The following ABTB2 variants were observed in gnomAD, a reference collection of about 807,000 sequenced individuals.
The protein encoded by ABTB2 is ankyrin repeat and BTB/POZ domain-containing protein 2.
Under a neutral mutation model 104.1 loss-of-function variants are expected in ABTB2, and 56 were observed. The observed-to-expected ratio is 0.54, with a 90% CI of 0.43 to 0.67. ABTB2 has a LOEUF of 0.67. ABTB2 is among the 30% of genes least tolerant of loss of function. ABTB2 has a pLI of 0.00. For missense variants in ABTB2, 1,279 were observed against 1,407.7 expected (o/e 0.91, Z 1.46); for synonymous variants, 606 against 608.2 (o/e 1.00, Z 0.05).
At chr11:34,228,393 T>C (rs1333215196) in intron 1 of ABTB2, among the ~76,000 whole-genome samples, 3 of 148,466 alleles carry the variant, frequency 2.0e-5, no homozygotes, top group African/African-American at 7.5e-5. Context: ...TGAGATAAGG[T>C]CTCACTTTGT....
chr11:34,254,600 G>A (rs904234259), intron 1 of ABTB2, among the ~76,000 whole-genome samples: 2 of 151,742 alleles, frequency 1.3e-5, no homozygotes, highest in African/African-American at 4.8e-5. Context: ...TGGTGGTACT[G>A]CTGAATATGG....
intron 1 of ABTB2, among the ~76,000 whole-genome samples, chr11:34,241,665 G>A (rs533173224): frequency 1.3e-5 from 2 of 152,362 alleles, no homozygotes; most frequent in Admixed American, 1.3e-4. Flanking sequence ...GCCAAGGCAG[G>A]AGGATCGCTT....
At chr11:34,184,621 A>C (rs1309977478) in intron 3 of ABTB2, among the ~76,000 whole-genome samples, 1 of 152,192 alleles carries the variant, frequency 6.6e-6, no homozygotes, top group Non-Finnish European at 1.5e-5. Context: ...AAGGGCCAGG[A>C]CATCTGCCTC....
intron 1 of ABTB2, among the ~76,000 whole-genome samples, chr11:34,215,692 A>G (rs1853542026): frequency 1.3e-5 from 2 of 152,218 alleles, no homozygotes; most frequent in South Asian, 2.1e-4. Context: ...AGGCCTAATC[A>G]TACTTCCTAA....
At chr11:34,246,583 A>C (rs1160312750) in intron 1 of ABTB2, among the ~76,000 whole-genome samples, 1 of 135,272 alleles carries the variant, frequency 7.4e-6, no homozygotes, top group African/African-American at 2.8e-5. Flanking sequence ...CCTGGGCAAT[A>C]AGAGTGAAAC....
At chr11:34,338,489 G>A (rs1855220450) in intron 1 of ABTB2, among the ~76,000 whole-genome samples, 1 of 151,216 alleles carries the variant, frequency 6.6e-6, no homozygotes, top group Non-Finnish European at 1.5e-5. Context: ...TTGAGGTTAA[G>A]AGTTTGAGAC....
intron 9 of ABTB2, among the ~76,000 whole-genome samples, chr11:34,163,714 C>T (rs1323874356): frequency 6.6e-6 from 1 of 152,236 alleles, no homozygotes; most frequent in Non-Finnish European, 1.5e-5. Context: ...AAGGGCTCCT[C>T]CTCACGTGTG....
At chr11:34,203,704 A>G (rs1474937700) in intron 2 of ABTB2, among the ~76,000 whole-genome samples, 1 of 152,188 alleles carries the variant, frequency 6.6e-6, no homozygotes, top group Non-Finnish European at 1.5e-5. Context: ...AATGCAGGGA[A>G]GGAGGAAGCC....
intron 1 of ABTB2, among the ~76,000 whole-genome samples, chr11:34,297,796 G>GAACCAAAT (rs1854642295): frequency 4.9e-5 from 6 of 123,070 alleles, no homozygotes; most frequent in Admixed American, 8.4e-5. Context: ...AAAAATAAAG[G>GAACCAAAT]AAAGAAAAAG....
intron 3 of ABTB2, among the ~76,000 whole-genome samples, chr11:34,193,865 G>A (rs1271868422): frequency 1.3e-5 from 2 of 152,154 alleles, no homozygotes; most frequent in East Asian, 1.9e-4. Flanking sequence ...AAGGCTGCCC[G>A]CTCACCACTC....
chr11:34,268,582 T>C (rs1854276787), intron 1 of ABTB2, among the ~76,000 whole-genome samples: 1 of 152,206 alleles, frequency 6.6e-6, no homozygotes, highest in African/African-American at 2.4e-5. Context: ...GGTATTGGAA[T>C]GCTGCACCGG....
chr11:34,321,890 A>G (rs763637052), intron 1 of ABTB2, among the ~76,000 whole-genome samples: 1 of 152,174 alleles, frequency 6.6e-6, no homozygotes, highest in Non-Finnish European at 1.5e-5. Context: ...ATCACTCTCA[A>G]TGGGACTAGA....
chr11:34,210,417 C>T (rs1853467276), intron 1 of ABTB2, among the ~76,000 whole-genome samples: 2 of 152,148 alleles, frequency 1.3e-5, no homozygotes, highest in African/African-American at 4.8e-5. Context: ...TCCTCCAGAG[C>T]TATAACACCA....
At chr11:34,167,232 C>A in intron 7 of ABTB2, 27 bp downstream of exon 7, 1 of 1,579,726 alleles carries the variant, frequency 6.3e-7, no homozygotes, top group Non-Finnish European at 8.6e-7. Flanking sequence ...AGCTGGGGGG[C>A]ATGGTGTTCA....
chr11:34,249,795 C>A (rs1024550809), intron 1 of ABTB2, among the ~76,000 whole-genome samples: 4 of 152,198 alleles, frequency 2.6e-5, no homozygotes, highest in African/African-American at 9.7e-5. Flanking sequence ...AGATGTGCCA[C>A]CATGCCTAGC....
chr11:34,357,293 G>A lies in ABTB2; in HGVS notation c.291C>T (p.Phe97=), dbSNP rs925335224. ...GGGCCACGTCTCCTTCGGTCCAGGG[G>A]AACTCCTCCAGCTCGGGGAGCCGCG... ...RCPRLPELEE[F]PWTEGDVARV... is the part of the protein sequence containing the mutation. Residue 97 remains phenylalanine (F), a synonymous_variant, in exon 1 of 17, where the codon TTC becomes TTT. Coordinates refer to ENST00000435224, the MANE Select transcript of ABTB2 (RefSeq NM_145804.3). 4.6e-6 allele frequency: 7 copies of A among 1,510,296 alleles called. No homozygotes were observed. In the Admixed American group the frequency reaches 6.3e-5, roughly 14 times the overall value. 93.6% of individuals were successfully genotyped at this position (1,510,296 alleles called of 1,614,324 possible).
At chr11:34,336,391 A>G (rs1402761335) in intron 1 of ABTB2, among the ~76,000 whole-genome samples, 2 of 152,240 alleles carry the variant, frequency 1.3e-5, no homozygotes, top group Admixed American at 6.5e-5. Context: ...GGCCAGGCAC[A>G]GCATTCTGGG....
chr11:34,181,261 C>A (rs865995914), intron 3 of ABTB2, among the ~76,000 whole-genome samples: 19 of 54,518 alleles, frequency 3.5e-4, no homozygotes, highest in African/African-American at 6.9e-4. Context: ...AACAAACAAA[C>A]AAAAAAAACA....
At chr11:34,190,554 A>G (rs1590211844) in intron 3 of ABTB2, among the ~76,000 whole-genome samples, 1 of 152,232 alleles carries the variant, frequency 6.6e-6, no homozygotes, top group Admixed American at 6.5e-5. Flanking sequence ...GCAGGAGTCC[A>G]GGGAGAAACA....
Sources: gnomAD v4.1 joint callset for allele counts (sites outside exome capture counted in the v4.1 genomes callset) on GRCh38, gnomAD v4.1.1 for gene constraint, MANE v1.5 for transcripts, NCBI Gene and HGNC (gene_info 2026-07-23, HGNC 2026-07-21) for gene names.